The following PCDHGA2 variants were observed in gnomAD, a reference collection of about 807,000 sequenced individuals.
The protein encoded by PCDHGA2 is protocadherin gamma-A2.
In PCDHGA2, 40 loss-of-function variants were observed where a neutral mutation model predicts 59.2. The ratio of observed to expected loss-of-function variants is 0.68; its 90% CI spans 0.52 to 0.88. The LOEUF (loss-of-function observed/expected upper bound fraction) is 0.88, where lower values mean the gene tolerates loss of function less well. Among genes scored for constraint, PCDHGA2 ranks in the 40% least tolerant of loss-of-function variants. PCDHGA2 has a pLI of 0.00. For synonymous variants in PCDHGA2, 560 were observed against 526.0 expected (o/e 1.06, Z -0.89); for missense variants, 1,226 against 1,204.0 (o/e 1.02, Z -0.27).
chr5:141,433,935 T>C (rs2097665519), intron 1 of PCDHGA2, among the ~76,000 whole-genome samples: 1 of 152,150 alleles, frequency 6.6e-6, no homozygotes, highest in African/African-American at 2.4e-5. Context: ...GATTTTATAA[T>C]TCCATTGTTT....
At chr5:141,430,751 A>G in intron 1 of PCDHGA2, 1 of 1,496,066 alleles carries the variant, frequency 6.7e-7, no homozygotes, top group Non-Finnish European at 8.9e-7. Context: ...ATTCTGGAGG[A>G]AGATAAGAAT....
intron 1 of PCDHGA2, among the ~76,000 whole-genome samples, chr5:141,444,150 GGAT>G (rs2098419400): frequency 8.8e-6 from 1 of 114,014 alleles, no homozygotes; most frequent in African/African-American, 3.4e-5. Context: ...TGTGTGTACT[GGAT>G]TTTTTTTTTT....
intron 1 of PCDHGA2, chr5:141,414,124 G>T (rs1214312992): frequency 6.3e-7 from 1 of 1,592,872 alleles, no homozygotes; most frequent in East Asian, 2.3e-5. Flanking sequence ...TGAAGAAACC[G>T]GTTTCTATGA....
chr5:141,345,444 A>G (rs200227313), intron 1 of PCDHGA2: 251 of 1,613,892 alleles, frequency 1.6e-4, no homozygotes, highest in Non-Finnish European at 4.0e-5. Context: ...AGGAGCCTCC[A>G]TCTTCTCAGT....
At chr5:141,375,308 G>T (rs761294258) in intron 1 of PCDHGA2, 24 of 1,613,722 alleles carry the variant, frequency 1.5e-5, no homozygotes, top group Non-Finnish European at 8.5e-7. Flanking sequence ...GACAAATGCA[G>T]CTCTAGACCG....
chr5:141,413,122 G>A, intron 1 of PCDHGA2: 1 of 1,525,890 alleles, frequency 6.6e-7, no homozygotes. Flanking sequence ...GGAACCGGTT[G>A]AAACACACAA....
At chr5:141,357,391 A>G (rs751497750) in intron 1 of PCDHGA2, 2 of 1,614,230 alleles carry the variant, frequency 1.2e-6, no homozygotes, top group South Asian at 1.1e-5. Flanking sequence ...TGAAGGCAGC[A>G]GGTTGGCAGG....
intron 1 of PCDHGA2, chr5:141,344,202 C>T (rs1267309332): frequency 6.2e-7 from 1 of 1,614,012 alleles, no homozygotes; most frequent in South Asian, 1.1e-5. Flanking sequence ...GCTAGAGCCC[C>T]GGGAGCTGGC....
rs761350249 is a variant in PCDHGA2 at position 141,418,909 on chromosome 5, G to A, written c.2425-75898G>A. Reference sequence around the variant, plus strand: ...ACAACAGCCCAGAAATAATCATCACGTCACTCTCTGATCAGATTATGGAGG... The same window carrying A: ...ACAACAGCCCAGAAATAATCATCACATCACTCTCTGATCAGATTATGGAGG... On this transcript the variant is annotated intron_variant, in intron 1 of 3. Coordinates refer to ENST00000394576, the MANE Select transcript of PCDHGA2 (RefSeq NM_018915.4). The A allele has an allele frequency of 1.9e-6, 3 of 1,613,906 alleles. No homozygotes were observed. In the Admixed American group the frequency reaches 5.0e-5, roughly 27 times the overall value.
At chr5:141,455,159 G>GT (rs1390145608) in intron 1 of PCDHGA2, among the ~76,000 whole-genome samples, 2,419 of 144,948 alleles carry the variant, frequency 0.017, 50 homozygotes, top group African/African-American at 0.056. Context: ...TTAGTTTGTT[G>GT]GTTTTTTTTT....
intron 1 of PCDHGA2, chr5:141,371,837 G>A: frequency 6.2e-7 from 1 of 1,613,710 alleles, no homozygotes; most frequent in South Asian, 1.1e-5. Context: ...ATCCCGACTT[G>A]GGACCTAATG....
At position 141,450,006 on chromosome 5, in the gene PCDHGA2, C is replaced by CTATTTTTTTTTTT. The variant is rs70988802; in HGVS notation, c.2425-44800_2425-44799insATTTTTTTTTTTT. Among the ~76,000 whole-genome samples, 4 of 132,982 alleles carry CTATTTTTTTTTTT rather than the reference C, an allele frequency of 3.0e-5. 1 individual carries two copies. The highest frequency in any genetic ancestry group is 5.6e-5 in the African/African-American group (2 of 35,576). 87.2% of individuals were successfully genotyped at this position (132,982 alleles called of 152,430 possible). A position where few individuals can be genotyped will look rare whatever the true frequency, so the allele number is the denominator to read the frequency against. Reference sequence around the variant, plus strand: ...CACATTGCATTTAGTTGCCATGTCTCTTTTTTTTTTTTTTTTTTGAGACAG... The same window carrying CTATTTTTTTTTTT: ...CACATTGCATTTAGTTGCCATGTCTCTATTTTTTTTTTTTTTTTTTTTTTTTTTTTTGAGACAG... On this transcript the variant is annotated intron_variant, in intron 1 of 3. Transcript: ENST00000394576.
At chr5:141,350,453 C>A (rs373789913) in intron 1 of PCDHGA2, 68 of 1,611,408 alleles carry the variant, frequency 4.2e-5, no homozygotes, top group South Asian at 1.1e-4. Flanking sequence ...TCGAAAACTG[C>A]GGGTTAGTGC....
chr5:141,371,092 C>A, intron 1 of PCDHGA2: 1 of 1,613,802 alleles, frequency 6.2e-7, no homozygotes, highest in Non-Finnish European at 8.5e-7. Context: ...GTAATTGTCG[C>A]AGATGCAAAT....
intron 1 of PCDHGA2, chr5:141,367,477 C>A (rs1199717010): frequency 6.6e-6 from 1 of 152,048 alleles, no homozygotes; most frequent in Non-Finnish European, 1.5e-5. Context: ...GAGGAGCTTG[C>A]AGTAAGCCGA....
rs1363636662 is a variant in PCDHGA2, at chr5:141,356,692, G to A, written c.2424+15297G>A. The A allele has an allele frequency of 5.0e-6, 8 of 1,613,832 alleles. No individual in the cohort carries two copies. The South Asian group carries it at 7.7e-5, about 16-fold the overall frequency. ...CTCCCTGGCCGAAGACACCTTCCAG[G>A]GTGCACCTCTGTCCTCCTATGTCTC... On this transcript the variant is annotated intron_variant, in intron 1 of 3. Transcript: ENST00000394576.
intron 1 of PCDHGA2, among the ~76,000 whole-genome samples, chr5:141,445,489 G>A (rs934531418): frequency 7.2e-5 from 11 of 152,188 alleles, no homozygotes; most frequent in Non-Finnish European, 1.3e-4. Context: ...GAGTTAATGG[G>A]CCCTATTCTA....
At chr5:141,406,083 T>C (rs539696065) in intron 1 of PCDHGA2, among the ~76,000 whole-genome samples, 2 of 151,900 alleles carry the variant, frequency 1.3e-5, no homozygotes, top group South Asian at 4.2e-4. Flanking sequence ...TTTTTTTTTT[T>C]TTTTAAGAGA....
intron 1 of PCDHGA2, among the ~76,000 whole-genome samples, chr5:141,465,048 AT>A (rs905091014): frequency 4.0e-5 from 6 of 151,346 alleles, no homozygotes; most frequent in African/African-American, 9.7e-5. Context: ...GACCCTATAT[AT>A]TTTTTTGAAT....
Sources: allele counts gnomAD v4.1 joint callset (sites outside exome capture counted in the v4.1 genomes callset), GRCh38; gene constraint gnomAD v4.1.1; transcripts MANE v1.5; gene names NCBI Gene and HGNC (gene_info 2026-07-23, HGNC 2026-07-21).